The following LRP1B variants were observed in gnomAD, a reference collection of about 807,000 sequenced individuals.
LRP1B encodes the protein low-density lipoprotein receptor-related protein 1B.
Under a neutral mutation model 556.6 loss-of-function variants are expected in LRP1B, and 217 were observed. That is an observed-to-expected ratio of 0.39 (90% confidence interval 0.35 to 0.44). LRP1B has a LOEUF of 0.44. Ranked by LOEUF, LRP1B falls within the 20% of genes least tolerant of loss-of-function variation. The probability of loss-of-function intolerance (pLI) is 1.00; values close to 1 mark genes in which losing one functional copy is unlikely to be tolerated. For synonymous variants in LRP1B, 2,047 were observed against 1,865.8 expected (o/e 1.10, Z -2.50); for missense variants, 5,053 against 5,620.8 (o/e 0.90, Z 3.23).
intron 2 of LRP1B, among the ~76,000 whole-genome samples, chr2:141,639,182 C>A (rs1689216470): frequency 7.1e-6 from 1 of 140,498 alleles, no homozygotes; most frequent in Non-Finnish European, 1.5e-5. Context: ...TCGGGAAACA[C>A]ACTGGAGGCC....
At chr2:141,223,247 C>T (rs533594767) in intron 6 of LRP1B, among the ~76,000 whole-genome samples, 5 of 152,184 alleles carry the variant, frequency 3.3e-5, no homozygotes, top group Admixed American at 3.3e-4. Flanking sequence ...CAACAATATG[C>T]AAGCAGAGAG....
rs750582438 is a variant in LRP1B at position 140,335,646 on chromosome 2, G to T, written c.12085C>A (p.Pro4029Thr). 6.2e-7 allele frequency: 1 copy of T among 1,611,540 alleles called. No individual in the cohort carries two copies. Among genetic ancestry groups the T allele is most frequent in the Non-Finnish European group, 8.5e-7 (1 of 1,178,092 alleles). Residue 4029 changes from proline (P) to threonine (T), a missense_variant, in exon 78 of 91, where the codon CCC becomes ACC. Physicochemically the swap from Pro to Thr is conservative, Grantham distance 38. Around this residue, in one of 5 missense-constraint regions of LRP1B, gnomAD observed 599 missense variants for 648.4 expected, o/e 0.92. Coordinates refer to ENST00000389484, the MANE Select transcript of LRP1B (RefSeq NM_018557.3). ...TRLLTNMAGE[P>T]YAIAVNPKRG... is the part of the protein sequence containing the mutation. ...TTAGGATTTACTGCAATAGCATAGG[G>T]TTCTCCAGCCATATTTGTTAAGAGT...
intron 31 of LRP1B, among the ~76,000 whole-genome samples, chr2:140,816,127 T>C (rs1157964410): frequency 6.6e-6 from 1 of 152,100 alleles, no homozygotes; most frequent in Non-Finnish European, 1.5e-5. Flanking sequence ...ATTTTTTTTT[T>C]TCTTTTTTTC....
chr2:140,760,654 G>T (rs1688888601), intron 35 of LRP1B, among the ~76,000 whole-genome samples: 2 of 152,218 alleles, frequency 1.3e-5, no homozygotes, highest in Non-Finnish European at 2.9e-5. Context: ...GGGAGGCCAA[G>T]GTGGTGGATC....
intron 1 of LRP1B, among the ~76,000 whole-genome samples, chr2:142,052,731 A>G (rs1405732853): frequency 2.0e-5 from 3 of 151,584 alleles, no homozygotes; most frequent in African/African-American, 7.3e-5. Context: ...GTTTTTCTTC[A>G]TTGTTTTCAA....
At chr2:141,529,044 T>C (rs1373733334) in intron 2 of LRP1B, among the ~76,000 whole-genome samples, 2 of 152,194 alleles carry the variant, frequency 1.3e-5, no homozygotes, top group African/African-American at 4.8e-5. Flanking sequence ...TCAGCCTGCA[T>C]GATGATTATT....
In LRP1B at chr2:141,527,983, G is replaced by T. The variant is rs557355315; in HGVS notation, c.206-47450C>A. On this transcript the variant is annotated intron_variant, in intron 2 of 90. Coordinates refer to ENST00000389484, the MANE Select transcript of LRP1B (RefSeq NM_018557.3). Reference sequence around the variant, plus strand: ...TTATGATAAACTCAGAGGCTCAGATGAGGTCTACTAAAACAGTCATCTGCC... The same window carrying T: ...TTATGATAAACTCAGAGGCTCAGATTAGGTCTACTAAAACAGTCATCTGCC... 3.3e-5 allele frequency among the ~76,000 whole-genome samples: 5 copies of T among 152,068 alleles called. No homozygotes were observed. In the East Asian group the frequency reaches 5.9e-4, roughly 18 times the overall value.
intron 32 of LRP1B, among the ~76,000 whole-genome samples, chr2:140,779,622 G>A (rs1292262861): frequency 6.7e-6 from 1 of 150,342 alleles, no homozygotes; most frequent in Non-Finnish European, 1.5e-5. Flanking sequence ...TTGAACCCGG[G>A]AGTCAGAGGT....
intron 2 of LRP1B, among the ~76,000 whole-genome samples, chr2:141,751,621 T>A (rs924356492): frequency 2.0e-5 from 3 of 152,042 alleles, no homozygotes; most frequent in African/African-American, 7.2e-5. Flanking sequence ...GGATTCTCTG[T>A]CTTTGTCCCC....
At chr2:141,656,384 G>C (rs1212954912) in intron 2 of LRP1B, among the ~76,000 whole-genome samples, 1 of 151,946 alleles carries the variant, frequency 6.6e-6, no homozygotes, top group African/African-American at 2.4e-5. Context: ...TCTATCTCTG[G>C]TCTACTTTCT....
chr2:140,891,230 GTTA>G (rs766528906), intron 23 of LRP1B, among the ~76,000 whole-genome samples: 4 of 152,064 alleles, frequency 2.6e-5, no homozygotes, highest in Non-Finnish European at 4.4e-5. Flanking sequence ...TCAGAAGACT[GTTA>G]TCTCCTATGT....
chr2:142,092,537 C>T (rs1706211938), intron 1 of LRP1B, among the ~76,000 whole-genome samples: 4 of 151,924 alleles, frequency 2.6e-5, no homozygotes, highest in Admixed American at 2.0e-4. Context: ...AAATCCAATG[C>T]TTTCTAGGTA....
intron 2 of LRP1B, among the ~76,000 whole-genome samples, chr2:141,770,090 AT>A (rs757327465): frequency 6.6e-6 from 1 of 151,956 alleles, no homozygotes; most frequent in Non-Finnish European, 1.5e-5. Context: ...GATTCAATTG[AT>A]TTCTGATTGG....
At chr2:141,540,485 A>G (rs1275099916) in intron 2 of LRP1B, among the ~76,000 whole-genome samples, 1 of 152,044 alleles carries the variant, frequency 6.6e-6, no homozygotes, top group Admixed American at 6.6e-5. Context: ...TGAATTTTGA[A>G]GAGCATAATT....
intron 3 of LRP1B, among the ~76,000 whole-genome samples, chr2:141,257,905 A>G (rs1172573670): frequency 8.9e-6 from 1 of 112,306 alleles, no homozygotes; most frequent in Non-Finnish European, 2.0e-5. Context: ...CAATGCTATA[A>G]TGACTATAAA....
intron 11 of LRP1B, among the ~76,000 whole-genome samples, chr2:141,043,283 A>G (rs1222872760): frequency 6.6e-6 from 1 of 151,466 alleles, no homozygotes; most frequent in Non-Finnish European, 1.5e-5. Context: ...AAAAGAAAAG[A>G]ATCACAGTTG....
At chr2:140,891,149 T>A (rs1022605260) in intron 23 of LRP1B, among the ~76,000 whole-genome samples, 1 of 152,124 alleles carries the variant, frequency 6.6e-6, no homozygotes, top group African/African-American at 2.4e-5. Flanking sequence ...AGGTCACAAT[T>A]TATACTTTTT....
intron 6 of LRP1B, among the ~76,000 whole-genome samples, chr2:141,201,190 G>A (rs921006515): frequency 3.3e-5 from 5 of 152,148 alleles, no homozygotes; most frequent in Non-Finnish European, 7.3e-5. Context: ...AACACGGTGC[G>A]AAATAATAGT....
At chr2:141,924,623 G>T (rs569815122) in intron 1 of LRP1B, among the ~76,000 whole-genome samples, 7 of 152,216 alleles carry the variant, frequency 4.6e-5, no homozygotes, top group Admixed American at 3.3e-4. Context: ...CAAAACACGC[G>T]CCCTGGCTCC....
Sources: allele counts gnomAD v4.1 joint callset (sites outside exome capture counted in the v4.1 genomes callset), GRCh38; gene constraint gnomAD v4.1.1; regional missense constraint gnomAD v4.1.1; transcripts MANE v1.5; gene names NCBI Gene and HGNC (gene_info 2026-07-23, HGNC 2026-07-21).